Variants in KAZN observed in about 807,000 individuals in gnomAD.
The protein encoded by KAZN is kazrin.
KAZN carries 40 observed loss-of-function variants against 87.4 expected under a neutral mutation model. That is an observed-to-expected ratio of 0.46 (90% CI 0.36 to 0.60). The LOEUF (loss-of-function observed/expected upper bound fraction) is 0.60, where lower values mean the gene tolerates loss of function less well. Ranked by LOEUF, KAZN falls within the 20% of genes least tolerant of loss-of-function variation. The pLI is 0.00. For synonymous variants in KAZN, 466 were observed against 458.3 expected, an observed-to-expected ratio of 1.02 and a Z score of -0.22; for missense variants, 898 against 1,073.9, an observed-to-expected ratio of 0.84 and a Z score of 2.29.
At chr1:14,360,868 C>T (rs1055206516) in intron 2 of KAZN, among the ~76,000 whole-genome samples, 1 of 152,218 alleles carries the variant, frequency 6.6e-6, no homozygotes, top group African/African-American at 2.4e-5. Flanking sequence ...GTACGAGGTG[C>T]CTGTCAACCC....
At chr1:13,942,278 C>T (rs12735912) in intron 1 of KAZN, among the ~76,000 whole-genome samples, 33,501 of 151,778 alleles carry the variant, frequency 0.22, 4,584 homozygotes, top group Admixed American at 0.36. Context: ...CGGTGGCTCA[C>T]GCCTGTAATC....
At position 14,858,734 on chromosome 1, in the gene KAZN, G is replaced by A. The variant is rs371784949; in HGVS notation, c.227-101950G>A. Among the ~76,000 whole-genome samples, 8 of 152,264 alleles carry A rather than the reference G, an allele frequency of 5.3e-5. No individual in the cohort carries two copies. The East Asian group carries it at 5.8e-4, about 11-fold the overall frequency. The stretch of plus-strand genomic sequence containing the variant: ...AAGGATACAAATTTAGAGGCAGGTC[G>A]AAAAATACCCAAATTCCTCCTATAT... On this transcript the variant is annotated intron_variant, in intron 1 of 14. Transcript: ENST00000376030.
chr1:13,952,608 A>G (rs1468888691), intron 1 of KAZN, among the ~76,000 whole-genome samples: 1 of 151,672 alleles, frequency 6.6e-6, no homozygotes, highest in Non-Finnish European at 1.5e-5. Flanking sequence ...AGGAGAGAGA[A>G]CAAACAGCAG....
At chr1:14,166,970 T>C (rs1645841545) in intron 1 of KAZN, among the ~76,000 whole-genome samples, 2 of 152,224 alleles carry the variant, frequency 1.3e-5, no homozygotes, top group Non-Finnish European at 2.9e-5. Context: ...TAACTCTGTA[T>C]GAAGAACTGA....
intron 2 of KAZN, among the ~76,000 whole-genome samples, chr1:14,196,817 G>A (rs1646535495): frequency 2.0e-5 from 3 of 152,164 alleles, no homozygotes; most frequent in Admixed American, 2.0e-4. Flanking sequence ...CCCTGGGAAA[G>A]ACTAGTTTCC....
intron 1 of KAZN, among the ~76,000 whole-genome samples, chr1:14,044,376 A>G (rs1641968549): frequency 8.8e-6 from 1 of 113,826 alleles, no homozygotes; most frequent in Non-Finnish European, 1.8e-5. Flanking sequence ...CAGGGTATGG[A>G]AACTCACTGT....
intron 1 of KAZN, among the ~76,000 whole-genome samples, chr1:14,879,478 A>G (rs1191021974): frequency 6.6e-6 from 1 of 152,244 alleles, no homozygotes; most frequent in Non-Finnish European, 1.5e-5. Context: ...GATGTTATCA[A>G]CATTATTAGC....
chr1:14,631,560 GC>G (rs925491516), intron 1 of KAZN, among the ~76,000 whole-genome samples: 23 of 152,306 alleles, frequency 1.5e-4, no homozygotes, highest in African/African-American at 4.8e-4. Flanking sequence ...TCACCCCAGG[GC>G]CTGCTGCTAC....
chr1:14,829,468 G>A (rs1646992652), intron 1 of KAZN, among the ~76,000 whole-genome samples: 1 of 152,220 alleles, frequency 6.6e-6, no homozygotes, highest in Admixed American at 6.5e-5. Context: ...TACTCGGGAG[G>A]CTGAGGCAGG....
chr1:14,875,784 T>C lies in KAZN; in HGVS notation c.227-84900T>C, dbSNP rs192620333. 8.5e-5 allele frequency among the ~76,000 whole-genome samples: 13 copies of C among 152,324 alleles called. No homozygotes were observed. In the East Asian group the frequency reaches 2.5e-3, roughly 29 times the overall value. ...CCCTCCACAGTTGATTGTTAAACAC[T>C]TGCCAGTACACCACTGCCTGTTGCC... On this transcript the variant is annotated intron_variant, in intron 1 of 14. Coordinates refer to ENST00000376030, the MANE Select transcript of KAZN (RefSeq NM_201628.3).
chr1:13,936,702 A>G (rs1339129932), intron 1 of KAZN, among the ~76,000 whole-genome samples: 1 of 152,126 alleles, frequency 6.6e-6, no homozygotes, highest in Non-Finnish European at 1.5e-5. Context: ...AAAAGATATG[A>G]TTTCATTCTT....
At chr1:14,913,316 CA>C (rs1572811119) in intron 1 of KAZN, among the ~76,000 whole-genome samples, 1 of 152,268 alleles carries the variant, frequency 6.6e-6, no homozygotes, top group East Asian at 1.9e-4. Flanking sequence ...TCTTTAAAAA[CA>C]AAAAGAAGGC....
chr1:14,067,719 A>T (rs1028723138), intron 1 of KAZN, among the ~76,000 whole-genome samples: 4 of 152,174 alleles, frequency 2.6e-5, no homozygotes, highest in African/African-American at 9.7e-5. Context: ...CTTGCTAAGG[A>T]ATAAAGAAAA....
At chr1:13,896,591 T>C (rs2100826017) in intron 1 of KAZN, among the ~76,000 whole-genome samples, 1 of 152,254 alleles carries the variant, frequency 6.6e-6, no homozygotes, top group South Asian at 2.1e-4. Flanking sequence ...CATGCCAGGC[T>C]CCTGTAATTT....
chr1:15,082,124 C>T (rs924666147), intron 8 of KAZN, among the ~76,000 whole-genome samples: 2 of 152,072 alleles, frequency 1.3e-5, no homozygotes, highest in Non-Finnish European at 2.9e-5. Flanking sequence ...AAGCTCACTG[C>T]CTCAACTCTG....
intron 2 of KAZN, among the ~76,000 whole-genome samples, chr1:14,483,676 C>T (rs540506020): frequency 6.6e-6 from 1 of 152,288 alleles, no homozygotes; most frequent in South Asian, 2.1e-4. Flanking sequence ...CGGTTTTATA[C>T]ATTTATACAT....
At chr1:14,845,081 T>A (rs942216586) in intron 1 of KAZN, among the ~76,000 whole-genome samples, 2 of 151,210 alleles carry the variant, frequency 1.3e-5, no homozygotes, top group African/African-American at 4.9e-5. Flanking sequence ...GGTTGATGGA[T>A]AGACAGATGG....
chr1:14,498,703 A>G (rs2148422901), intron 2 of KAZN, among the ~76,000 whole-genome samples: 1 of 152,240 alleles, frequency 6.6e-6, no homozygotes, highest in South Asian at 2.1e-4. Flanking sequence ...AAATAAAAAA[A>G]ATAAAATAAA....
At chr1:15,002,664 T>C (rs576835244) in intron 2 of KAZN, among the ~76,000 whole-genome samples, 4 of 152,220 alleles carry the variant, frequency 2.6e-5, no homozygotes, top group Middle Eastern at 3.4e-3. Flanking sequence ...ATATTAAATC[T>C]TTTATTCCTC....
Sources: allele counts gnomAD v4.1 joint callset (sites outside exome capture counted in the v4.1 genomes callset), GRCh38; gene constraint gnomAD v4.1.1; transcripts MANE v1.5; gene names NCBI Gene and HGNC (gene_info 2026-07-23, HGNC 2026-07-21).